The following ITGAD variants were observed in gnomAD, a reference collection of about 807,000 sequenced individuals.
The protein encoded by ITGAD is integrin alpha-D.
ITGAD carries 105 observed loss-of-function variants against 139.0 expected under a neutral mutation model. That is an observed-to-expected ratio of 0.76 (90% CI 0.65 to 0.89). ITGAD has a LOEUF of 0.89. Among genes scored for constraint, ITGAD ranks in the 40% least tolerant of loss-of-function variants. The pLI is 0.00. For missense variants in ITGAD, 1,384 were observed against 1,487.3 expected, an observed-to-expected ratio of 0.93 and a Z score of 1.14; for synonymous variants, 569 against 598.3, an observed-to-expected ratio of 0.95 and a Z score of 0.71.
chr16:31,413,131 C>A lies in ITGAD; in HGVS notation c.1881C>A (p.Ser627Arg), dbSNP rs774564790. 1 of 1,614,144 alleles carries A rather than the reference C, an allele frequency of 6.2e-7. No individual in the cohort carries two copies. The highest frequency in any genetic ancestry group is 1.1e-5 in the South Asian group (1 of 91,082). ...AAGTGGGGGTGGCCATGAGATTCAG[C>A]CCTGTGGAGGTGGCCAAGGCTGTGT... ...VLKVGVAMRF[S>R]PVEVAKAVYR... The change falls in exon 16 of 30, where the codon AGC becomes AGA. Residue 627 changes from serine (S) to arginine (R), a missense_variant. Physicochemically the swap from Ser to Arg is moderately radical, Grantham distance 110. Transcript: ENST00000389202.
intron 4 of ITGAD, 40 bp downstream of exon 4, chr16:31,397,706 C>CCGCGG: frequency 1.0e-5 from 3 of 299,954 alleles, no homozygotes; most frequent in East Asian, 7.8e-5. Context: ...TGGGGTGGGG[C>CCGCGG]GGGGGGTGTT....
chr16:31,418,030 C>A, intron 20 of ITGAD, 45 bp from the exon 21 acceptor site: 1 of 1,483,968 alleles, frequency 6.7e-7, no homozygotes, highest in Non-Finnish European at 9.4e-7. Flanking sequence ...ATCAAGCCCA[C>A]ACATGCATGC....
At chr16:31,394,924 C>T (rs2081228178) in intron 2 of ITGAD, among the ~76,000 whole-genome samples, 1 of 152,220 alleles carries the variant, frequency 6.6e-6, no homozygotes, top group East Asian at 1.9e-4. Flanking sequence ...AGCAATCCTC[C>T]TGCCTTGGCC....
chr16:31,403,769 CG>C lies in ITGAD; in HGVS notation c.704+128del, dbSNP rs1303787254. 3 of 1,283,686 alleles carry C rather than the reference CG, an allele frequency of 2.3e-6. No individual in the cohort carries two copies. The highest frequency in any genetic ancestry group is 4.8e-5 in the East Asian group (2 of 42,054). 79.5% of individuals were successfully genotyped at this position (1,283,686 alleles called of 1,614,324 possible). On this transcript the variant is annotated intron_variant, in intron 7 of 29. Coordinates refer to ENST00000389202, the MANE Select transcript of ITGAD (RefSeq NM_005353.3). This position sits in a 1 kb window ranked among gnomAD's most constrained non-coding sequence, Gnocchi z 4.4. Reference sequence around the variant, plus strand: ...GGAAAGGGGCTACCAAGGGGCATGTCGGGGCTGCAGGGAGAACCTCCCCCCG... The same window carrying C: ...GGAAAGGGGCTACCAAGGGGCATGTCGGGCTGCAGGGAGAACCTCCCCCCG...
At chr16:31,402,431 T>C in intron 6 of ITGAD, 186 bp downstream of exon 6, 2 of 464,320 alleles carry the variant, frequency 4.3e-6, no homozygotes, top group East Asian at 3.2e-5. Flanking sequence ...TGGCATTTAA[T>C]AATGTATCCA....
At chr16:31,411,031 G>A (rs768250347) in intron 12 of ITGAD, 45 bp from the exon 13 acceptor site, 31 of 1,608,246 alleles carry the variant, frequency 1.9e-5, no homozygotes, top group Non-Finnish European at 2.5e-5. Context: ...CCACAGGGCT[G>A]CCTCTGGCTG....
intron 5 of ITGAD, among the ~76,000 whole-genome samples, chr16:31,399,264 G>A (rs2081346927): frequency 6.6e-6 from 1 of 152,236 alleles, no homozygotes; most frequent in Non-Finnish European, 1.5e-5. Context: ...GAAGGTGAAA[G>A]GGATTGAGGT....
chr16:31,411,387 T>C lies in ITGAD; in HGVS notation c.1577T>C (p.Val526Ala), dbSNP rs748455783. The change falls in exon 14 of 30, where the codon GTG becomes GCG. Residue 526 changes from valine (V) to alanine (A), a missense_variant. Val to Ala is a moderately conservative substitution (Grantham distance 64). Coordinates refer to ENST00000389202, the MANE Select transcript of ITGAD (RefSeq NM_005353.3). The stretch of plus-strand genomic sequence containing the variant: ...GGCCGCTTTGGGGCAGCCCTGACAG[T>C]GTTGGGGGATGTGAATGAGGACAAG... Reference protein sequence around the residue: ...PWGRFGAALTVLGDVNEDKLI... With the variant: ...PWGRFGAALTALGDVNEDKLI... The C allele has an allele frequency of 2.1e-5, 34 of 1,613,704 alleles. No homozygotes were observed. The African/African-American group carries it at 4.4e-4, about 21-fold the overall frequency.
At chr16:31,411,049 C>G (rs767653235) in intron 12 of ITGAD, 27 bp from the exon 13 acceptor site, 19 of 1,610,894 alleles carry the variant, frequency 1.2e-5, no homozygotes, top group Non-Finnish European at 1.6e-5. Context: ...CTGGGACAGG[C>G]AGCATGACCC....
intron 10 of ITGAD, among the ~76,000 whole-genome samples, chr16:31,409,281 C>G (rs759398331): frequency 6.6e-6 from 1 of 151,202 alleles, no homozygotes; most frequent in African/African-American, 2.4e-5. Flanking sequence ...GGTGACAGAA[C>G]GAGTCTCTGT....
rs1379384777 is a variant in ITGAD at position 31,403,409 on chromosome 16, G to C, written c.559-91G>C. ...AGGCAGGAGGATCACTTGAGGCCAG[G>C]AGTTTGAGAGACCCTGTCTCTACAA... On this transcript the variant is annotated intron_variant, in intron 6 of 29. Coordinates refer to ENST00000389202, the MANE Select transcript of ITGAD (RefSeq NM_005353.3). This position sits in a 1 kb window ranked among gnomAD's most constrained non-coding sequence, Gnocchi z 4.4. 3 of 1,465,306 alleles carry C rather than the reference G, an allele frequency of 2.0e-6. No homozygotes were observed. In the East Asian group the frequency reaches 6.8e-5, roughly 33 times the overall value. 90.8% of individuals were successfully genotyped at this position (1,465,306 alleles called of 1,614,324 possible).
intron 10 of ITGAD, among the ~76,000 whole-genome samples, chr16:31,409,065 G>A (rs779250575): frequency 2.0e-5 from 3 of 152,096 alleles, no homozygotes; most frequent in Non-Finnish European, 4.4e-5. Flanking sequence ...AGGCTGAGAC[G>A]GGCGGATCAC....
intron 20 of ITGAD, among the ~76,000 whole-genome samples, chr16:31,417,604 T>A (rs1014928290): frequency 1.3e-5 from 2 of 152,096 alleles, no homozygotes; most frequent in African/African-American, 4.8e-5. Flanking sequence ...TTTTAAAAAA[T>A]TTTTTGTATG....
intron 2 of ITGAD, among the ~76,000 whole-genome samples, chr16:31,394,835 T>TTTTTG (rs773516976): frequency 6.6e-6 from 1 of 152,104 alleles, no homozygotes; most frequent in Non-Finnish European, 1.5e-5. Context: ...TCATGCCTGT[T>TTTTTG]TTTTGTTTTG....
intron 20 of ITGAD, 137 bp downstream of exon 20, chr16:31,416,783 AC>A: frequency 1.3e-6 from 1 of 794,674 alleles, no homozygotes; most frequent in Non-Finnish European, 1.9e-6. Context: ...ACACATACAC[AC>A]AGAGAAAGTG....
Position 31,411,235 on chromosome 16 carries a change from C to T in ITGAD, c.1497+19C>T. 8 of 1,611,820 alleles carry T rather than the reference C, an allele frequency of 5.0e-6. No homozygotes were observed. Among genetic ancestry groups the T allele is most frequent in the Non-Finnish European group, 6.8e-6 (8 of 1,178,704 alleles). On this transcript the variant is annotated intron_variant, in intron 13 of 29. Transcript: ENST00000389202. Reference sequence around the variant, plus strand: ...TAGGGGGGTGAGTGGCTGATGGGACCTAGGCTGGGTGGGGTCCGGTGTGAG... The same window carrying T: ...TAGGGGGGTGAGTGGCTGATGGGACTTAGGCTGGGTGGGGTCCGGTGTGAG...
chr16:31,403,446 A>G lies in ITGAD; in HGVS notation c.559-54A>G. ...CCCTGTCTCTACAAAAAATTAAAATAAAAACAATAGTAACAGGCACTGAGC... is the reference window on the plus strand; with the variant it reads ...CCCTGTCTCTACAAAAAATTAAAATGAAAACAATAGTAACAGGCACTGAGC... On this transcript the variant is annotated intron_variant, in intron 6 of 29. Coordinates refer to ENST00000389202, the MANE Select transcript of ITGAD (RefSeq NM_005353.3). This position sits in a 1 kb window ranked among gnomAD's most constrained non-coding sequence, Gnocchi z 4.4. 1 of 1,597,362 alleles carries G rather than the reference A, an allele frequency of 6.3e-7. No homozygotes were observed. Among genetic ancestry groups the G allele is most frequent in the East Asian group, 2.2e-5 (1 of 44,516 alleles).
chr16:31,424,145 C>T lies in ITGAD; in HGVS notation c.3203C>T (p.Thr1068Met), dbSNP rs200191046. 17 of 1,614,222 alleles carry T rather than the reference C, an allele frequency of 1.1e-5. No homozygotes were observed. The Middle Eastern group carries it at 4.9e-4, about 47-fold the overall frequency. The change falls in exon 28 of 30, where the codon ACG (threonine) becomes ATG (methionine). Residue 1068 changes from threonine to methionine, a missense_variant. Transcript: ENST00000389202. ...KVLVVSVAEITFDTSVYSQLP... is the reference protein window; with the variant it reads ...KVLVVSVAEIMFDTSVYSQLP... Reference sequence around the variant, plus strand: ...TTGGTCGTGAGTGTGGCTGAAATTACGTTCGACACATCCGTGTACTCCCAG... The same window carrying T: ...TTGGTCGTGAGTGTGGCTGAAATTATGTTCGACACATCCGTGTACTCCCAG...
intron 2 of ITGAD, among the ~76,000 whole-genome samples, chr16:31,397,133 T>A (rs1181371893): frequency 7.3e-6 from 1 of 136,346 alleles, no homozygotes; most frequent in South Asian, 2.6e-4. Context: ...AATACACACA[T>A]ACGTACTTAT....
Sources: gnomAD v4.1 joint callset for allele counts (sites outside exome capture counted in the v4.1 genomes callset) on GRCh38, gnomAD v4.1.1 for gene constraint, Gnocchi (gnomAD v3.1) non-coding constraint, MANE v1.5 for transcripts, NCBI Gene and HGNC (gene_info 2026-07-23, HGNC 2026-07-21) for gene names.